CIMAP1D: variants seen among roughly 807,000 people sequenced by gnomAD.
CIMAP1D encodes protein CIMAP1D.
chr19:475,983 CTAA>C, the CIMAP1D span, among the ~76,000 whole-genome samples: 1 of 87,004 alleles, frequency 1.1e-5, no homozygotes, highest in South Asian at 3.8e-4. Context: ...CCACGCCTGG[CTAA>C]TTTTTTTTTT....
At chr19:473,030 A>T in the CIMAP1D span, among the ~76,000 whole-genome samples, 3 of 104,836 alleles carry the variant, frequency 2.9e-5, no homozygotes, top group African/African-American at 9.6e-5. Context: ...ATGGTCACAG[A>T]TGGGGAAACT....
chr19:471,965 C>T, the CIMAP1D span, among the ~76,000 whole-genome samples: 1 of 152,166 alleles, frequency 6.6e-6, no homozygotes. Context: ...CCAGGATGGT[C>T]CCAATCTCCT....
chr19:472,792 A>C, the CIMAP1D span, among the ~76,000 whole-genome samples: 2 of 131,850 alleles, frequency 1.5e-5, no homozygotes, highest in Non-Finnish European at 3.3e-5. Flanking sequence ...CAGGTGGGGA[A>C]ACTGAGGCCT....
chr19:484,139 C>CTTTTTTTT, the CIMAP1D span, among the ~76,000 whole-genome samples: 24 of 129,440 alleles, frequency 1.9e-4, no homozygotes, highest in East Asian at 1.1e-3. Flanking sequence ...TTTTCTTTTT[C>CTTTTTTTT]TTTTTTTTTT....
At chr19:475,877 G>A in the CIMAP1D span, among the ~76,000 whole-genome samples, 309 of 149,418 alleles carry the variant, frequency 2.1e-3, 1 homozygote, top group African/African-American at 7.1e-3. Flanking sequence ...GGGTTTATGC[G>A]ATTATCCTGC....
the CIMAP1D span, chr19:475,019 C>T: frequency 2.2e-4 from 80 of 360,092 alleles, no homozygotes; most frequent in African/African-American, 1.4e-3. Context: ...GGAAAGAGTC[C>T]GGTGTCAGCA....
chr19:485,473 C>T, the CIMAP1D span, among the ~76,000 whole-genome samples: 1 of 152,198 alleles, frequency 6.6e-6, no homozygotes, highest in Admixed American at 6.5e-5. Context: ...CGATCCAAGT[C>T]CCACCGTTCT....
chr19:488,118 G>C, the CIMAP1D span, among the ~76,000 whole-genome samples: 6 of 152,270 alleles, frequency 3.9e-5, no homozygotes, highest in African/African-American at 1.4e-4. Context: ...TCGGCTCTTG[G>C]GACAGGAGTC....
At chr19:484,908 G>A in the CIMAP1D span, among the ~76,000 whole-genome samples, 38 of 152,264 alleles carry the variant, frequency 2.5e-4, no homozygotes, top group Middle Eastern at 6.8e-3. Flanking sequence ...TGAAGGAATC[G>A]ACTGAGGGTA....
chr19:469,353 C>A, the CIMAP1D span, among the ~76,000 whole-genome samples: 12 of 151,950 alleles, frequency 7.9e-5, no homozygotes, highest in South Asian at 2.3e-3. Flanking sequence ...AACTCTGGGA[C>A]CACAGGCATG....
At chr19:488,674 A>C in the CIMAP1D span, among the ~76,000 whole-genome samples, 1 of 152,222 alleles carries the variant, frequency 6.6e-6, no homozygotes, top group African/African-American at 2.4e-5. Context: ...CCTACTCCAG[A>C]ATCCGCGTCC....
chr19:464,428 TC>T, the CIMAP1D span: 1 of 1,002,364 alleles, frequency 1.0e-6, no homozygotes, highest in Non-Finnish European at 1.5e-6. Context: ...CCGGCCTGGC[TC>T]CCCATGGCCC....
chr19:486,357 C>G, the CIMAP1D span, among the ~76,000 whole-genome samples: 1 of 152,156 alleles, frequency 6.6e-6, no homozygotes, highest in African/African-American at 2.4e-5. Flanking sequence ...CCCGGTCCAA[C>G]TCCCTCCCCC....
chr19:466,840 G>A, the CIMAP1D span, among the ~76,000 whole-genome samples: 1 of 87,802 alleles, frequency 1.1e-5, no homozygotes, highest in Non-Finnish European at 2.3e-5. Context: ...AGATGGATGG[G>A]TGGGTGGGTG....
the CIMAP1D span, among the ~76,000 whole-genome samples, chr19:471,551 T>A: frequency 6.6e-6 from 1 of 151,858 alleles, no homozygotes; most frequent in East Asian, 1.9e-4. Context: ...CAAGTGATCC[T>A]CCTGCCTGGG....
At chr19:474,204 T>G in the CIMAP1D span, among the ~76,000 whole-genome samples, 1 of 152,122 alleles carries the variant, frequency 6.6e-6, no homozygotes, top group African/African-American at 2.4e-5. Context: ...TCCTGGGCCC[T>G]CACCGAGGCC....
the CIMAP1D span, chr19:464,477 C>T: frequency 1.4e-6 from 1 of 703,176 alleles, no homozygotes; most frequent in Non-Finnish European, 2.5e-6. Context: ...CTCAAGCAGC[C>T]TGGGTGCCTT....
At chr19:467,522 T>C in the CIMAP1D span, 4 of 738,320 alleles carry the variant, frequency 5.4e-6, no homozygotes, top group East Asian at 1.0e-4. Flanking sequence ...TCCCTTGGAT[T>C]TGATCACTCC....
the CIMAP1D span, among the ~76,000 whole-genome samples, chr19:474,286 G>T: frequency 6.6e-6 from 1 of 152,216 alleles, no homozygotes; most frequent in Non-Finnish European, 1.5e-5. Context: ...GTTGTCTAGG[G>T]CGCCCGTCCC....
Sources: gnomAD v4.1 joint callset for allele counts (sites outside exome capture counted in the v4.1 genomes callset) on GRCh38, gnomAD v4.1.1 for gene constraint, MANE v1.5 for transcripts, NCBI Gene and HGNC (gene_info 2026-07-23, HGNC 2026-07-21) for gene names.